Variants in CAMTA1 observed in about 807,000 individuals in gnomAD.
CAMTA1 encodes the protein calmodulin binding transcription activator 1, also known as calmodulin-binding transcription activator 1.
A neutral mutation model predicts 170.9 loss-of-function variants in CAMTA1; 27 were observed. The ratio of observed to expected loss-of-function variants is 0.16; its 90% CI spans 0.12 to 0.22. The LOEUF (loss-of-function observed/expected upper bound fraction) is 0.22, where lower values mean the gene tolerates loss of function less well. Among genes scored for constraint, CAMTA1 ranks in the 10% least tolerant of loss-of-function variants. The probability of loss-of-function intolerance (pLI) is 1.00; values close to 1 mark genes in which losing one functional copy is unlikely to be tolerated. For synonymous variants in CAMTA1, 833 were observed against 891.5 expected (o/e 0.93, Z 1.17); for missense variants, 1,619 against 2,217.2 (o/e 0.73, Z 5.42).
At chr1:6,966,880 G>A (rs1480129743) in intron 3 of CAMTA1, among the ~76,000 whole-genome samples, 1 of 151,442 alleles carries the variant, frequency 6.6e-6, no homozygotes, top group East Asian at 2.0e-4. Flanking sequence ...CCAAAGTGTT[G>A]GGATTACAGG....
rs181681272 is a variant in CAMTA1 at position 7,657,379 on chromosome 1, G to A, written c.665-4347G>A. On this transcript the variant is annotated intron_variant, in intron 7 of 22. Coordinates refer to ENST00000303635, the MANE Select transcript of CAMTA1 (RefSeq NM_015215.4). ...GCCTGAGAACGGGGAGTCAGGTACC[G>A]CCCGGTGAGGTACAGTGAGCAGGAG... 3.3e-5 allele frequency among the ~76,000 whole-genome samples: 5 copies of A among 152,258 alleles called. No individual in the cohort carries two copies. In the East Asian group the frequency reaches 9.7e-4, roughly 29 times the overall value.
At chr1:7,485,265 C>T (rs2093602889) in intron 6 of CAMTA1, among the ~76,000 whole-genome samples, 1 of 152,176 alleles carries the variant, frequency 6.6e-6, no homozygotes, top group Admixed American at 6.5e-5. Flanking sequence ...CCCATGTCTC[C>T]ATCGTGCCTC....
At chr1:7,509,748 T>A (rs2094174293) in intron 6 of CAMTA1, among the ~76,000 whole-genome samples, 1 of 152,022 alleles carries the variant, frequency 6.6e-6, no homozygotes, top group Non-Finnish European at 1.5e-5. Context: ...GGTGGGGACA[T>A]CCAGTCGGCC....
chr1:7,036,979 T>G (rs1703690561), intron 3 of CAMTA1, among the ~76,000 whole-genome samples: 1 of 152,234 alleles, frequency 6.6e-6, no homozygotes, highest in Non-Finnish European at 1.5e-5. Flanking sequence ...TACTACAGCC[T>G]GCTATAGGAA....
chr1:7,338,118 C>G (rs534769173), intron 5 of CAMTA1, among the ~76,000 whole-genome samples: 2 of 152,016 alleles, frequency 1.3e-5, no homozygotes, highest in South Asian at 2.1e-4. Flanking sequence ...CTGACTCTTA[C>G]AGAGATGGAG....
At chr1:7,411,610 G>T (rs1424864159) in intron 5 of CAMTA1, among the ~76,000 whole-genome samples, 1 of 148,752 alleles carries the variant, frequency 6.7e-6, no homozygotes, top group East Asian at 2.0e-4. Flanking sequence ...TGATTCAGAA[G>T]ACCGAGGACA....
At chr1:6,842,046 A>G (rs1655959207) in intron 3 of CAMTA1, among the ~76,000 whole-genome samples, 1 of 152,156 alleles carries the variant, frequency 6.6e-6, no homozygotes, top group Admixed American at 6.6e-5. Flanking sequence ...GTGGAGGGAC[A>G]TCTCCTTTCC....
chr1:7,464,057 C>G (rs1041862622), intron 5 of CAMTA1, among the ~76,000 whole-genome samples: 2 of 152,208 alleles, frequency 1.3e-5, no homozygotes, highest in Non-Finnish European at 2.9e-5. Flanking sequence ...CCTTGCTCAA[C>G]TGCCATGTTA....
intron 1 of CAMTA1, among the ~76,000 whole-genome samples, chr1:6,804,149 A>G (rs1570170872): frequency 6.9e-6 from 1 of 144,106 alleles, no homozygotes; most frequent in Non-Finnish European, 1.5e-5. Context: ...GTGCCATCGC[A>G]CTCCAGCCTG....
intron 6 of CAMTA1, among the ~76,000 whole-genome samples, chr1:7,521,327 AG>A (rs2094362401): frequency 6.6e-6 from 1 of 152,238 alleles, no homozygotes; most frequent in Non-Finnish European, 1.5e-5. Context: ...GAAATAACAC[AG>A]AGAGCTCCCA....
intron 5 of CAMTA1, among the ~76,000 whole-genome samples, chr1:7,260,600 G>T (rs1267674716): frequency 2.0e-5 from 3 of 152,238 alleles, no homozygotes; most frequent in African/African-American, 7.2e-5. Flanking sequence ...CCAATGGCAT[G>T]TGTCCTTGTT....
chr1:7,003,118 C>T (rs904660838), intron 3 of CAMTA1, among the ~76,000 whole-genome samples: 1 of 152,212 alleles, frequency 6.6e-6, no homozygotes, highest in Non-Finnish European at 1.5e-5. Context: ...CCTGTGCGCA[C>T]CAGATGCCAG....
At chr1:7,598,535 A>C (rs2095417710) in intron 6 of CAMTA1, among the ~76,000 whole-genome samples, 1 of 152,180 alleles carries the variant, frequency 6.6e-6, no homozygotes, top group Non-Finnish European at 1.5e-5. Context: ...TGGTTGAACT[A>C]GTTTACAGTC....
intron 4 of CAMTA1, among the ~76,000 whole-genome samples, 184 bp downstream of exon 4, chr1:7,091,555 G>T (rs1487557680): frequency 2.0e-5 from 3 of 152,194 alleles, no homozygotes; most frequent in African/African-American, 7.2e-5. Flanking sequence ...ACGATCAGAT[G>T]GATTAAAAAG....
rs60585573 is a variant in CAMTA1, at chr1:7,075,662, ATTT to A, written c.235-15626_235-15624del. The stretch of plus-strand genomic sequence containing the variant: ...CCGTGGTGCACTTTCAATCTCAGTG[ATTT>A]TTTTTTTTTTTTTTTGAGACGGAGT... On this transcript the variant is annotated intron_variant, in intron 3 of 22. Transcript: ENST00000303635. Among the ~76,000 whole-genome samples, 59 of 130,492 alleles carry A rather than the reference ATTT, an allele frequency of 4.5e-4. 1 individual carries two copies. Among genetic ancestry groups the A allele is most frequent in the African/African-American group, 7.7e-4 (26 of 33,880 alleles). 85.6% of individuals were successfully genotyped at this position (130,492 alleles called of 152,430 possible).
At chr1:6,786,352 G>A (rs1052713880) in intron 1 of CAMTA1, among the ~76,000 whole-genome samples, 4 of 151,826 alleles carry the variant, frequency 2.6e-5, no homozygotes, top group Non-Finnish European at 4.4e-5. Flanking sequence ...CAGGAGGGTG[G>A]GGTCTCCGTT....
chr1:6,807,716 T>C (rs1644684767), intron 1 of CAMTA1, among the ~76,000 whole-genome samples: 2 of 137,010 alleles, frequency 1.5e-5, no homozygotes, highest in East Asian at 4.4e-4. Flanking sequence ...CAAGACTTCA[T>C]CTCAAAAAAA....
At chr1:7,272,074 T>G (rs1353423513) in intron 5 of CAMTA1, among the ~76,000 whole-genome samples, 2 of 152,146 alleles carry the variant, frequency 1.3e-5, no homozygotes. Flanking sequence ...AGGGAACATT[T>G]CAATTATATC....
rs1196794177 is a variant in CAMTA1, at chr1:7,300,498, G to A, written c.438+50872G>A. ...TCGAGACCAGCCTGGCCAACATGGT[G>A]AAACCCCGTCTCTACTAAAAATACA... On this transcript the variant is annotated intron_variant, in intron 5 of 22. Coordinates refer to ENST00000303635, the MANE Select transcript of CAMTA1 (RefSeq NM_015215.4). This position sits in a 1 kb window ranked among gnomAD's most constrained non-coding sequence, Gnocchi z 4.1. Among the ~76,000 whole-genome samples the A allele has an allele frequency of 6.6e-6, 1 of 152,194 alleles. No homozygotes were observed. Among genetic ancestry groups the A allele is most frequent in the Non-Finnish European group, 1.5e-5 (1 of 68,038 alleles).
Sources: gnomAD v4.1 joint callset for allele counts (sites outside exome capture counted in the v4.1 genomes callset) on GRCh38, gnomAD v4.1.1 for gene constraint, Gnocchi (gnomAD v3.1) non-coding constraint, MANE v1.5 for transcripts, NCBI Gene and HGNC (gene_info 2026-07-23, HGNC 2026-07-21) for gene names.